KLHL26: variants seen among roughly 807,000 people sequenced by gnomAD.
KLHL26 encodes kelch like family member 26.
In KLHL26, 4 loss-of-function variants were observed where a neutral mutation model predicts 7.1. The observed-to-expected ratio is 0.56, with a 90% confidence interval of 0.28 to 1.28. KLHL26 has a LOEUF of 1.28. Ranked by LOEUF, KLHL26 falls within the 50% of genes most tolerant of loss-of-function variation. The probability of loss-of-function intolerance (pLI) is 0.11; values close to 1 mark genes in which losing one functional copy is unlikely to be tolerated. For synonymous variants in KLHL26, 465 were observed against 414.1 expected, an observed-to-expected ratio of 1.12 and a Z score of -1.49; for missense variants, 896 against 924.6, an observed-to-expected ratio of 0.97 and a Z score of 0.40.
chr19:18,641,765 A>G (rs2145369607), intron 1 of KLHL26, among the ~76,000 whole-genome samples: 1 of 150,950 alleles, frequency 6.6e-6, no homozygotes, highest in East Asian at 2.0e-4. Context: ...AGTAGCTGGG[A>G]TTACAGGCGT....
intron 1 of KLHL26, among the ~76,000 whole-genome samples, chr19:18,640,222 A>G (rs1307575899): frequency 6.6e-6 from 1 of 151,964 alleles, no homozygotes; most frequent in Non-Finnish European, 1.5e-5. Context: ...ACTAGTTCAT[A>G]TGGTAGATGT....
Position 18,650,817 on chromosome 19 carries a change from C to T in KLHL26, c.84-13444C>T, listed in dbSNP as rs1206780874. Among the ~76,000 whole-genome samples, 1 of 152,208 alleles carries T rather than the reference C, an allele frequency of 6.6e-6. No individual in the cohort carries two copies. ...CGGAGTGGAGCCGTCTGTCTCGTCA[C>T]AGACAGGCGGGGCTGCGGCTGGGGA... On this transcript the variant is annotated intron_variant, in intron 1 of 2. Transcript: ENST00000300976. The surrounding 1 kb of genome is among the most constrained non-coding windows in gnomAD (Gnocchi z 4.2).
chr19:18,670,461 A>G lies in KLHL26; in HGVS notation c.*1216A>G, dbSNP rs1286670783. 1 of 152,042 alleles carries G rather than the reference A, an allele frequency of 6.6e-6. No homozygotes were observed. Among genetic ancestry groups the G allele is most frequent in the African/African-American group, 2.4e-5 (1 of 41,372 alleles). The allele number at this position is 152,042 out of a possible 1,614,324, so 9.4% of individuals were successfully genotyped here. ...ATCTTAGCAGACATCGTCTCCTAAT[A>G]TTTCCCTTTATTTAATAAAAATGTT... On this transcript the variant is annotated 3_prime_UTR_variant, in exon 3 of 3. Transcript: ENST00000300976.
Position 18,648,727 on chromosome 19 carries a change from C to T in KLHL26, c.83+11590C>T, listed in dbSNP as rs575878855. 1.3e-5 allele frequency among the ~76,000 whole-genome samples: 2 copies of T among 152,272 alleles called. No individual in the cohort carries two copies. The highest frequency in any genetic ancestry group is 4.1e-4 in the South Asian group (2 of 4,826). On this transcript the variant is annotated intron_variant, in intron 1 of 2. Transcript: ENST00000300976. This position sits in a 1 kb window ranked among gnomAD's most constrained non-coding sequence, Gnocchi z 4.9. Reference sequence around the variant, plus strand: ...AGCAGGTCCCAGTCCTGGGAATGTCCCTCCTCCTGAGAGAAGGCCTCAGTC... The same window carrying T: ...AGCAGGTCCCAGTCCTGGGAATGTCTCTCCTCCTGAGAGAAGGCCTCAGTC...
At chr19:18,659,223 A>C (rs1233124148) in intron 1 of KLHL26, among the ~76,000 whole-genome samples, 3 of 152,122 alleles carry the variant, frequency 2.0e-5, no homozygotes, top group Non-Finnish European at 4.4e-5. Flanking sequence ...TGGATCTCAG[A>C]CAAGGCTCTC....
chr19:18,662,572 C>G (rs1001324774), intron 1 of KLHL26, among the ~76,000 whole-genome samples: 9 of 152,238 alleles, frequency 5.9e-5, no homozygotes, highest in African/African-American at 2.2e-4. Context: ...CTCAGAGGCA[C>G]ATGCAGGATG....
At chr19:18,652,087 G>A (rs1271183574) in intron 1 of KLHL26, among the ~76,000 whole-genome samples, 1 of 152,192 alleles carries the variant, frequency 6.6e-6, no homozygotes, top group East Asian at 1.9e-4. Flanking sequence ...AAATGCTGGT[G>A]GGCTCAGGAG....
chr19:18,641,053 C>A (rs529320415), intron 1 of KLHL26, among the ~76,000 whole-genome samples: 1 of 152,128 alleles, frequency 6.6e-6, no homozygotes, highest in East Asian at 1.9e-4. Context: ...AGGTCTCACT[C>A]TGTCGCCCAG....
rs34034254 is a variant in KLHL26, at chr19:18,639,403, GTTTTTTT to G, written c.83+2286_83+2292del. Among the ~76,000 whole-genome samples the G allele has an allele frequency of 1.0e-3, 72 of 71,228 alleles. 2 individuals carry two copies. The East Asian group carries it at 0.018, about 18-fold the overall frequency. 46.7% of individuals were successfully genotyped at this position (71,228 alleles called of 152,430 possible). ...TTCACTCATTTTAATTTATCATTAA[GTTTTTTT>G]TTTTTTTTTTTTTTTTTTTGAGATA... On this transcript the variant is annotated intron_variant, in intron 1 of 2. Coordinates refer to ENST00000300976, the MANE Select transcript of KLHL26 (RefSeq NM_018316.3).
intron 1 of KLHL26, among the ~76,000 whole-genome samples, chr19:18,652,037 G>A (rs1366947067): frequency 1.3e-5 from 2 of 152,230 alleles, no homozygotes; most frequent in African/African-American, 4.8e-5. Context: ...CCATGGCAGA[G>A]AAGGCTCTGG....
At chr19:18,658,454 C>A (rs958845516) in intron 1 of KLHL26, among the ~76,000 whole-genome samples, 2 of 151,944 alleles carry the variant, frequency 1.3e-5, no homozygotes, top group Non-Finnish European at 2.9e-5. Flanking sequence ...GCTCTCTGTT[C>A]CTCTCTCCCT....
Position 18,650,994 on chromosome 19 carries a change from C to T in KLHL26, c.84-13267C>T, listed in dbSNP as rs185344057. Among the ~76,000 whole-genome samples the T allele has an allele frequency of 1.4e-4, 21 of 152,144 alleles. No homozygotes were observed. The highest frequency in any genetic ancestry group is 4.8e-5 in the African/African-American group (2 of 41,500). On this transcript the variant is annotated intron_variant, in intron 1 of 2. Transcript: ENST00000300976. The surrounding 1 kb of genome is among the most constrained non-coding windows in gnomAD (Gnocchi z 4.2). Reference sequence around the variant, plus strand: ...TTTTCCAGAGGCTCGTCTGGAATGCCGTGGCTGGATCTGAGCCTCCTGACA... The same window carrying T: ...TTTTCCAGAGGCTCGTCTGGAATGCTGTGGCTGGATCTGAGCCTCCTGACA...
Position 18,670,469 on chromosome 19 carries a change from T to A in KLHL26, c.*1224T>A, listed in dbSNP as rs2052516739. 1 of 152,146 alleles carries A rather than the reference T, an allele frequency of 6.6e-6. No individual in the cohort carries two copies. The highest frequency in any genetic ancestry group is 1.5e-5 in the Non-Finnish European group (1 of 68,024). 9.4% of individuals were successfully genotyped at this position (152,146 alleles called of 1,614,324 possible). Reference sequence around the variant, plus strand: ...AGACATCGTCTCCTAATATTTCCCTTTATTTAATAAAAATGTTATGGTGAA... The same window carrying A: ...AGACATCGTCTCCTAATATTTCCCTATATTTAATAAAAATGTTATGGTGAA... On this transcript the variant is annotated 3_prime_UTR_variant, in exon 3 of 3. Coordinates refer to ENST00000300976, the MANE Select transcript of KLHL26 (RefSeq NM_018316.3).
chr19:18,668,473 T>C lies in KLHL26; in HGVS notation c.1076T>C (p.Leu359Pro). 6.2e-7 allele frequency: 1 copy of C among 1,610,004 alleles called. No individual in the cohort carries two copies. Among genetic ancestry groups the C allele is most frequent in the Non-Finnish European group, 8.5e-7 (1 of 1,179,172 alleles). The change falls in exon 3 of 3, where the codon CTG becomes CCG. Residue 359 changes from leucine (L) to proline (P), a missense_variant. By Grantham distance (98) the Leu-to-Pro change is moderately conservative (BLOSUM62 -3). Coordinates refer to ENST00000300976, the MANE Select transcript of KLHL26 (RefSeq NM_018316.3). ...TGCAGCCACACGTGCGTGGCCGTGCTGGACAATTTTGTGTACGTGGCCGGG... is the reference window on the plus strand; with the variant it reads ...TGCAGCCACACGTGCGTGGCCGTGCCGGACAATTTTGTGTACGTGGCCGGG... ...VGCSHTCVAVLDNFVYVAGGQ... is the reference protein window; with the variant it reads ...VGCSHTCVAVPDNFVYVAGGQ...
In KLHL26 at chr19:18,637,147, G is replaced by A. The variant is rs899550212; in HGVS notation, c.83+10G>A. On this transcript the variant is annotated intron_variant, in intron 1 of 2. Coordinates refer to ENST00000300976, the MANE Select transcript of KLHL26 (RefSeq NM_018316.3). Reference sequence around the variant, plus strand: ...CCGAGCGCCCGAACAGGTGAGACCCGGCCCGCAGGATAGACCTGCACCTGT... The same window carrying A: ...CCGAGCGCCCGAACAGGTGAGACCCAGCCCGCAGGATAGACCTGCACCTGT... 2.6e-5 allele frequency: 35 copies of A among 1,331,118 alleles called. 1 individual carries two copies. The Middle Eastern group carries it at 6.1e-4, about 23-fold the overall frequency. 82.5% of individuals were successfully genotyped at this position (1,331,118 alleles called of 1,614,324 possible).
At position 18,646,817 on chromosome 19, in the gene KLHL26, A is replaced by G. The variant is rs1213979641; in HGVS notation, c.83+9680A>G. Among the ~76,000 whole-genome samples the G allele has an allele frequency of 6.6e-6, 1 of 152,234 alleles. No homozygotes were observed. Among genetic ancestry groups the G allele is most frequent in the East Asian group, 1.9e-4 (1 of 5,206 alleles). On this transcript the variant is annotated intron_variant, in intron 1 of 2. Coordinates refer to ENST00000300976, the MANE Select transcript of KLHL26 (RefSeq NM_018316.3). The surrounding 1 kb of genome is among the most constrained non-coding windows in gnomAD (Gnocchi z 5.0). ...GGAAAGGAGAGGGTGAACTTGAGCCATTGGGAAGACAGTAGTGCCATGACT... is the reference window on the plus strand; with the variant it reads ...GGAAAGGAGAGGGTGAACTTGAGCCGTTGGGAAGACAGTAGTGCCATGACT...
At chr19:18,667,576 G>T (rs1473000242) in intron 2 of KLHL26, 88 bp from the exon 3 acceptor site, 6 of 1,527,556 alleles carry the variant, frequency 3.9e-6, no homozygotes, top group Non-Finnish European at 5.3e-6. Context: ...TGTGTCCCCA[G>T]GCTACTGTTC....
chr19:18,667,513 G>GT, intron 2 of KLHL26, 151 bp from the exon 3 acceptor site: 3 of 1,371,750 alleles, frequency 2.2e-6, no homozygotes, highest in Non-Finnish European at 2.9e-6. Flanking sequence ...CCCTTTGCAT[G>GT]TTTTTAATGA....
At chr19:18,660,619 G>A (rs543085910) in intron 1 of KLHL26, among the ~76,000 whole-genome samples, 22 of 152,260 alleles carry the variant, frequency 1.4e-4, no homozygotes, top group South Asian at 4.1e-4. Context: ...CCCTGGCCCC[G>A]GCCCTCCCTC....
Sources: gnomAD v4.1 joint callset for allele counts (sites outside exome capture counted in the v4.1 genomes callset) on GRCh38, gnomAD v4.1.1 for gene constraint, Gnocchi (gnomAD v3.1) non-coding constraint, MANE v1.5 for transcripts, NCBI Gene and HGNC (gene_info 2026-07-23, HGNC 2026-07-21) for gene names.